The following CNTLN variants were observed in gnomAD, a reference collection of about 807,000 sequenced individuals.
CNTLN encodes the protein centlein, centrosomal protein.
CNTLN carries 212 observed loss-of-function variants against 180.0 expected under a neutral mutation model. The ratio of observed to expected loss-of-function variants is 1.18; its 90% CI spans 1.05 to 1.32. CNTLN has a LOEUF of 1.32. CNTLN is among the 40% of genes most tolerant of loss of function. CNTLN has a pLI of 0.00. For synonymous variants in CNTLN, 722 were observed against 563.1 expected (o/e 1.28, Z -3.99); for missense variants, 2,095 against 1,610.9 (o/e 1.30, Z -5.14).
rs1266721895 is a variant in CNTLN, at chr9:17,265,775, A to G, written c.850-7958A>G. On this transcript the variant is annotated intron_variant, in intron 5 of 25. Coordinates refer to ENST00000380647, the MANE Select transcript of CNTLN (RefSeq NM_017738.4). ...TCCTGGTTTAGTCTTGGGAGAGTGT[A>G]TGTGTCGAGGAATTTATCCATTTCT... Among the ~76,000 whole-genome samples, 5 of 152,150 alleles carry G rather than the reference A, an allele frequency of 3.3e-5. No individual in the cohort carries two copies. In the East Asian group the frequency reaches 5.8e-4, roughly 18 times the overall value.
intron 23 of CNTLN, among the ~76,000 whole-genome samples, chr9:17,476,570 A>C (rs1832360677): frequency 6.6e-6 from 1 of 152,220 alleles, no homozygotes; most frequent in African/African-American, 2.4e-5. Context: ...ACAAATGATA[A>C]GAAAGTGAAA....
chr9:17,247,103 G>C (rs572948790), intron 5 of CNTLN, among the ~76,000 whole-genome samples: 1 of 152,062 alleles, frequency 6.6e-6, no homozygotes, highest in Non-Finnish European at 1.5e-5. Flanking sequence ...TTAGATGATG[G>C]GTGATACAAG....
intron 25 of CNTLN, among the ~76,000 whole-genome samples, chr9:17,495,640 G>C (rs2134388432): frequency 6.6e-6 from 1 of 152,124 alleles, no homozygotes; most frequent in South Asian, 2.1e-4. Context: ...GAAAGAAAAA[G>C]GTTTTTTAAT....
chr9:17,314,580 C>G (rs894635322), intron 8 of CNTLN, among the ~76,000 whole-genome samples: 7 of 152,136 alleles, frequency 4.6e-5, no homozygotes, highest in Admixed American at 2.6e-4. Context: ...AACTTTTCCC[C>G]TCAATTTGTA....
chr9:17,441,650 G>C (rs1417872940), intron 18 of CNTLN, among the ~76,000 whole-genome samples: 1 of 149,582 alleles, frequency 6.7e-6, no homozygotes, highest in African/African-American at 2.5e-5. Flanking sequence ...GGAAAAGACA[G>C]ACAAAAGAGC....
At chr9:17,247,829 TC>T (rs1376686327) in intron 5 of CNTLN, among the ~76,000 whole-genome samples, 1 of 143,238 alleles carries the variant, frequency 7.0e-6, no homozygotes. Flanking sequence ...GTTTCTCTGT[TC>T]TTTCTTTTTT....
At chr9:17,294,892 T>G (rs1420216239) in intron 6 of CNTLN, among the ~76,000 whole-genome samples, 500 of 6,014 alleles carry the variant, frequency 0.083, no homozygotes, top group Non-Finnish European at 0.095. Flanking sequence ...GAGGGGGGAG[T>G]GGGGAGTGGG....
At chr9:17,491,858 A>C (rs1352375365) in intron 25 of CNTLN, among the ~76,000 whole-genome samples, 3 of 149,094 alleles carry the variant, frequency 2.0e-5, no homozygotes, top group Non-Finnish European at 4.4e-5. Flanking sequence ...GCAGTGTGGC[A>C]GTGGGAAGGG....
chr9:17,517,218 G>A, the CNTLN span, among the ~76,000 whole-genome samples: 5 of 151,756 alleles, frequency 3.3e-5, no homozygotes, highest in South Asian at 2.1e-4. Context: ...GTGAAACCCC[G>A]TCTCTACTAA....
intron 25 of CNTLN, 37 bp downstream of exon 25, chr9:17,487,103 A>T: frequency 3.7e-6 from 5 of 1,368,540 alleles, no homozygotes; most frequent in Non-Finnish European, 5.2e-6. Context: ...TAAGCTTCCA[A>T]ATAAGAATTC....
At chr9:17,252,607 T>G (rs1826214961) in intron 5 of CNTLN, among the ~76,000 whole-genome samples, 2 of 151,770 alleles carry the variant, frequency 1.3e-5, no homozygotes, top group African/African-American at 4.8e-5. Context: ...TTGAGTTCTT[T>G]GAGTTCCTTG....
intron 12 of CNTLN, among the ~76,000 whole-genome samples, chr9:17,352,944 G>A (rs1423012360): frequency 1.3e-5 from 2 of 151,982 alleles, no homozygotes; most frequent in African/African-American, 4.8e-5. Flanking sequence ...ACCACAATTT[G>A]TTTCTCCATT....
At chr9:17,257,462 C>T (rs1381289135) in intron 5 of CNTLN, among the ~76,000 whole-genome samples, 2 of 151,888 alleles carry the variant, frequency 1.3e-5, no homozygotes, top group South Asian at 2.1e-4. Flanking sequence ...TTTATAGCAG[C>T]ATGATTTATA....
intron 8 of CNTLN, among the ~76,000 whole-genome samples, chr9:17,312,036 A>T (rs1242159089): frequency 6.6e-6 from 1 of 152,000 alleles, no homozygotes; most frequent in Non-Finnish European, 1.5e-5. Flanking sequence ...CTGTTCATAT[A>T]TGTAGCTTTA....
At chr9:17,463,521 C>G (rs965580966) in intron 20 of CNTLN, among the ~76,000 whole-genome samples, 29 of 151,534 alleles carry the variant, frequency 1.9e-4, no homozygotes. Context: ...CAAAGCTACA[C>G]TATTGCTTAG....
chr9:17,320,328 T>C (rs959259603), intron 8 of CNTLN, among the ~76,000 whole-genome samples: 1 of 152,210 alleles, frequency 6.6e-6, no homozygotes, highest in East Asian at 1.9e-4. Context: ...AATGTCTGTA[T>C]ACTCACCAGC....
At chr9:17,261,942 A>G (rs941128367) in intron 5 of CNTLN, among the ~76,000 whole-genome samples, 4 of 151,656 alleles carry the variant, frequency 2.6e-5, no homozygotes, top group Non-Finnish European at 4.4e-5. Context: ...CTCCTTCAAA[A>G]GTGGACATTT....
chr9:17,259,965 C>T lies in CNTLN; in HGVS notation c.850-13768C>T, dbSNP rs1222772769. Among the ~76,000 whole-genome samples, 5 of 137,492 alleles carry T rather than the reference C, an allele frequency of 3.6e-5. 1 individual carries two copies. Among genetic ancestry groups the T allele is most frequent in the African/African-American group, 1.2e-4 (4 of 32,806 alleles). 90.2% of individuals were successfully genotyped at this position (137,492 alleles called of 152,430 possible). On this transcript the variant is annotated intron_variant, in intron 5 of 25. Transcript: ENST00000380647. ...TAATTTTTTGAAGGGTTTTTTGTGTCTCTATTTCCTTCAGTTCAGCTCTGA... is the reference window on the plus strand; with the variant it reads ...TAATTTTTTGAAGGGTTTTTTGTGTTTCTATTTCCTTCAGTTCAGCTCTGA...
chr9:17,154,387 G>A (rs1367254425), intron 2 of CNTLN, among the ~76,000 whole-genome samples: 1 of 152,198 alleles, frequency 6.6e-6, no homozygotes, highest in African/African-American at 2.4e-5. Flanking sequence ...CCTTCTGACA[G>A]TCAGGCCCCT....
Sources: allele counts gnomAD v4.1 joint callset (sites outside exome capture counted in the v4.1 genomes callset), GRCh38; gene constraint gnomAD v4.1.1; transcripts MANE v1.5; gene names NCBI Gene and HGNC (gene_info 2026-07-23, HGNC 2026-07-21).